Variants in LAMA2 observed in about 807,000 individuals in gnomAD.
LAMA2 encodes laminin subunit alpha 2.
In LAMA2, 269 loss-of-function variants were observed where a neutral mutation model predicts 364.8. The observed-to-expected ratio is 0.74, with a 90% CI of 0.67 to 0.82. The LOEUF (loss-of-function observed/expected upper bound fraction) is 0.82. LAMA2 is among the 40% of genes least tolerant of loss of function. The pLI, the probability that LAMA2 is intolerant of heterozygous loss-of-function variation, is 0.00. For missense variants in LAMA2, 3,807 were observed against 3,873.2 expected (o/e 0.98, Z 0.45); for synonymous variants, 1,379 against 1,370.6 (o/e 1.01, Z -0.14).
intron 61 of LAMA2, among the ~76,000 whole-genome samples, chr6:129,505,725 G>C (rs1786011984): frequency 6.6e-6 from 1 of 151,750 alleles, no homozygotes; most frequent in East Asian, 2.0e-4. Context: ...AGAGACGGGG[G>C]GTTTCACTGT....
chr6:129,145,053 G>A (rs1218008248), intron 5 of LAMA2, among the ~76,000 whole-genome samples: 2 of 151,942 alleles, frequency 1.3e-5, no homozygotes, highest in South Asian at 2.1e-4. Flanking sequence ...AAACTCCTGT[G>A]AATAGAGTAT....
In LAMA2 at chr6:129,440,839, G is replaced by C; in HGVS notation, c.6109G>C (p.Val2037Leu). The C allele has an allele frequency of 6.2e-7, 1 of 1,613,884 alleles. No individual in the cohort carries two copies. The highest frequency in any genetic ancestry group is 1.3e-5 in the African/African-American group (1 of 75,008). Residue 2037 changes from valine (V) to leucine (L), a missense_variant, in exon 43 of 65, where the codon GTT becomes CTT. Around this residue, in one of 3 missense-constraint regions of LAMA2, gnomAD observed 3,333 missense variants for 3,345.7 expected, o/e 1.00. Transcript: ENST00000421865. ...PNDTAAKLQA[V>L]KDKARQANDT... is the part of the protein sequence containing the mutation. ...AGATACAGCTGCTAAACTGCAAGCT[G>C]TTAAGGACAAAGCCAGACAAGCCAA...
At chr6:128,972,506 A>T (rs568820726) in intron 1 of LAMA2, among the ~76,000 whole-genome samples, 1 of 152,216 alleles carries the variant, frequency 6.6e-6, no homozygotes, top group Non-Finnish European at 1.5e-5. Flanking sequence ...TCAACAAATG[A>T]TAGACATTAC....
At chr6:128,933,082 G>T (rs147066414) in intron 1 of LAMA2, among the ~76,000 whole-genome samples, 5 of 152,258 alleles carry the variant, frequency 3.3e-5, no homozygotes, top group African/African-American at 1.2e-4. Context: ...ACATGTGAGT[G>T]AGATCATACT....
intron 27 of LAMA2, among the ~76,000 whole-genome samples, chr6:129,317,600 TA>T (rs3839400): frequency 0.022 from 3,276 of 148,242 alleles, 101 homozygotes; most frequent in African/African-American, 0.075. Context: ...TATGAAATAA[TA>T]AAAAAAATAT....
intron 10 of LAMA2, among the ~76,000 whole-genome samples, chr6:129,178,802 A>G (rs1780761712): frequency 1.3e-5 from 2 of 152,148 alleles, no homozygotes; most frequent in African/African-American, 2.4e-5. Flanking sequence ...ATTAAGCCAT[A>G]ATATAAGTAG....
At chr6:129,070,018 G>A (rs1048611858) in intron 3 of LAMA2, among the ~76,000 whole-genome samples, 1 of 151,790 alleles carries the variant, frequency 6.6e-6, no homozygotes, top group African/African-American at 2.4e-5. Context: ...TACAAACATG[G>A]CAAAAAAAGG....
At chr6:129,237,152 T>C (rs1741301480) in intron 12 of LAMA2, among the ~76,000 whole-genome samples, 1 of 152,200 alleles carries the variant, frequency 6.6e-6, no homozygotes, top group Non-Finnish European at 1.5e-5. Context: ...GTTTTGAGAA[T>C]GTAATGAATG....
chr6:129,438,173 CAAAT>C (rs2114760176), intron 41 of LAMA2, among the ~76,000 whole-genome samples: 2 of 151,322 alleles, frequency 1.3e-5, no homozygotes, highest in South Asian at 4.2e-4. Context: ...TATTTTTGTC[CAAAT>C]AAATATTAAC....
chr6:128,956,737 A>G lies in LAMA2; in HGVS notation c.112+73380A>G, dbSNP rs1269409431. On this transcript the variant is annotated intron_variant, in intron 1 of 64. Transcript: ENST00000421865. Reference sequence around the variant, plus strand: ...TTAATCATTATCATCTACTGCTTCTATTTTACTTGTTATGTCATACAAATT... The same window carrying G: ...TTAATCATTATCATCTACTGCTTCTGTTTTACTTGTTATGTCATACAAATT... Among the ~76,000 whole-genome samples, 6 of 151,834 alleles carry G rather than the reference A, an allele frequency of 4.0e-5. No individual in the cohort carries two copies. In the East Asian group the frequency reaches 9.7e-4, roughly 24 times the overall value.
At chr6:128,937,826 A>G (rs1030079541) in intron 1 of LAMA2, among the ~76,000 whole-genome samples, 1 of 148,964 alleles carries the variant, frequency 6.7e-6, no homozygotes, top group East Asian at 2.0e-4. Flanking sequence ...TCCCTTTTCT[A>G]TCTTTGTCTT....
intron 20 of LAMA2, chr6:129,292,700 T>A (rs1304644183): frequency 9.6e-6 from 5 of 522,134 alleles, no homozygotes; most frequent in Non-Finnish European, 1.2e-5. Context: ...GATGTCAAAC[T>A]GGCCTTACTG....
chr6:129,219,824 T>G, intron 12 of LAMA2, among the ~76,000 whole-genome samples: 2 of 77,450 alleles, frequency 2.6e-5, no homozygotes, highest in African/African-American at 5.4e-5. Context: ...CTGGGGACTG[T>G]TGTGGGGTGG....
intron 1 of LAMA2, among the ~76,000 whole-genome samples, chr6:129,019,964 A>G (rs1372916696): frequency 6.6e-6 from 1 of 152,252 alleles, no homozygotes; most frequent in East Asian, 1.9e-4. Flanking sequence ...AGGCACCTGT[A>G]ATCCCAGCTA....
intron 17 of LAMA2, among the ~76,000 whole-genome samples, chr6:129,278,749 G>A (rs2114385879): frequency 6.6e-6 from 1 of 152,202 alleles, no homozygotes; most frequent in South Asian, 2.1e-4. Flanking sequence ...AAGCATCCCA[G>A]ACCAGCCTTT....
intron 1 of LAMA2, among the ~76,000 whole-genome samples, chr6:128,891,440 T>G (rs928048856): frequency 6.6e-6 from 1 of 152,098 alleles, no homozygotes; most frequent in African/African-American, 2.4e-5. Context: ...TGTGCAATTT[T>G]CAATTATTGG....
chr6:129,428,132 A>G (rs1350357621), intron 41 of LAMA2, among the ~76,000 whole-genome samples: 1 of 152,160 alleles, frequency 6.6e-6, no homozygotes, highest in African/African-American at 2.4e-5. Flanking sequence ...ATAAGTTTTT[A>G]AGAGTATCAA....
chr6:129,250,860 A>G (rs972579898), intron 13 of LAMA2, among the ~76,000 whole-genome samples: 3 of 151,980 alleles, frequency 2.0e-5, no homozygotes, highest in Admixed American at 2.0e-4. Flanking sequence ...ATTATTCCAA[A>G]TGGGTAGATG....
At position 129,410,445 on chromosome 6, in the gene LAMA2, GTC is replaced by G. The variant is rs1252289440; in HGVS notation, c.5865+6492_5865+6493del. On this transcript the variant is annotated intron_variant, in intron 40 of 64. Transcript: ENST00000421865. ...TTTGTAAAACTTTCTCTCTGTCTCT[GTC>G]TCTCTTACTCACACATACACTCACA... is the stretch of plus-strand genomic sequence containing the variant. Among the ~76,000 whole-genome samples the G allele has an allele frequency of 2.6e-5, 4 of 152,084 alleles. No homozygotes were observed. In the South Asian group the frequency reaches 8.3e-4, roughly 32 times the overall value.
Sources: gnomAD v4.1 joint callset for allele counts (sites outside exome capture counted in the v4.1 genomes callset) on GRCh38, gnomAD v4.1.1 for gene constraint, gnomAD v4.1.1 regional missense constraint, MANE v1.5 for transcripts, NCBI Gene and HGNC (gene_info 2026-07-23, HGNC 2026-07-21) for gene names.